The following TMEM220 variants were observed in gnomAD, a reference collection of about 807,000 sequenced individuals.
TMEM220 encodes transmembrane protein 220.
A neutral mutation model predicts 21.7 loss-of-function variants in TMEM220; 21 were observed. The observed-to-expected ratio is 0.97, with a 90% CI of 0.69 to 1.39. TMEM220 has a LOEUF of 1.39. Ranked by LOEUF, TMEM220 falls within the 40% of genes most tolerant of loss-of-function variation. TMEM220 has a pLI of 0.00. For synonymous variants in TMEM220, 80 were observed against 73.6 expected, an observed-to-expected ratio of 1.09 and a Z score of -0.45; for missense variants, 191 against 201.9, an observed-to-expected ratio of 0.95 and a Z score of 0.33.
rs1200503587 is a variant in TMEM220, at chr17:10,713,788, A to T, written c.*1665T>A. ...CCATTCAGTGGCCACTGTGCCAATAACAAAAACAAAATACACATACCTCCT... is the reference window on the plus strand; with the variant it reads ...CCATTCAGTGGCCACTGTGCCAATATCAAAAACAAAATACACATACCTCCT... On this transcript the variant is annotated 3_prime_UTR_variant, in exon 6 of 6. Transcript: ENST00000341871. 1.3e-5 allele frequency: 2 copies of T among 152,234 alleles called. No individual in the cohort carries two copies. Among genetic ancestry groups the T allele is most frequent in the African/African-American group, 4.8e-5 (2 of 41,462 alleles). 9.4% of individuals were successfully genotyped at this position (152,234 alleles called of 1,614,324 possible).
chr17:10,728,857 A>G (rs453318), intron 2 of TMEM220, among the ~76,000 whole-genome samples, 174 bp downstream of exon 2: 69,345 of 152,016 alleles, frequency 0.46, 16,058 homozygotes, highest in African/African-American at 0.51. Context: ...ACATTACATT[A>G]GAACTCTGAT....
At chr17:10,729,484 C>T (rs445846) in intron 1 of TMEM220, among the ~76,000 whole-genome samples, 75,295 of 152,068 alleles carry the variant, frequency 0.5, 19,396 homozygotes, top group African/African-American at 0.64. Flanking sequence ...GTCCGCGGGC[C>T]GGACGTTAAC....
At chr17:10,726,759 G>A (rs2075054251) in intron 2 of TMEM220, among the ~76,000 whole-genome samples, 1 of 152,178 alleles carries the variant, frequency 6.6e-6, no homozygotes, top group Admixed American at 6.5e-5. Context: ...AATCAGCTGT[G>A]CCCAGTAATA....
intron 5 of TMEM220, among the ~76,000 whole-genome samples, chr17:10,722,804 A>G (rs775308174): frequency 1.3e-5 from 2 of 152,146 alleles, no homozygotes; most frequent in African/African-American, 2.4e-5. Context: ...GCCCATGACT[A>G]TACTGGGCCT....
chr17:10,729,663 C>T, intron 1 of TMEM220, 117 bp downstream of exon 1: 2 of 868,828 alleles, frequency 2.3e-6, no homozygotes, highest in Non-Finnish European at 3.1e-6. Context: ...CAAGTCCCGT[C>T]CTCCCCACTA....
chr17:10,728,691 G>A (rs1015899191), intron 2 of TMEM220, among the ~76,000 whole-genome samples: 5 of 152,104 alleles, frequency 3.3e-5, no homozygotes, highest in African/African-American at 1.2e-4. Flanking sequence ...CCGGTCAAAG[G>A]TTTGCATTGA....
chr17:10,729,209 A>T, intron 1 of TMEM220, 149 bp from the exon 2 acceptor site: 2 of 816,934 alleles, frequency 2.4e-6, no homozygotes, highest in Middle Eastern at 2.7e-4. Context: ...GATATAGTCC[A>T]GATGAGGACG....
At position 10,726,262 on chromosome 17, in the gene TMEM220, C is replaced by T. The variant is rs80037051; in HGVS notation, c.105G>A (p.Val35=). 3.1e-4 allele frequency: 506 copies of T among 1,613,556 alleles called. 7 individuals carry two copies. The East Asian group carries it at 0.011, about 35-fold the overall frequency. Residue 35 remains valine, a splice_region_variant and synonymous_variant, in exon 3 of 6, where the codon GTG becomes GTA. Transcript: ENST00000341871. ...TCAGTACTGCAGGGATTGTGTACAC[C>T]ACCTGTTAGCAAAAAGGGAGGAAAT... ...VNDPDAEVWV[V]VYTIPAVLTL... is the part of the protein sequence containing the mutation.
At chr17:10,716,409 G>C in intron 5 of TMEM220, 4 of 647,762 alleles carry the variant, frequency 6.2e-6, no homozygotes, top group Non-Finnish European at 8.9e-6. Flanking sequence ...TGCTGTGTTG[G>C]CTTATCTTAA....
Position 10,713,454 on chromosome 17 carries a change from A to G in TMEM220, c.*1999T>C, listed in dbSNP as rs986206118. 6.6e-6 allele frequency: 1 copy of G among 152,188 alleles called. No individual in the cohort carries two copies. The highest frequency in any genetic ancestry group is 2.4e-5 in the African/African-American group (1 of 41,452). 9.4% of individuals were successfully genotyped at this position (152,188 alleles called of 1,614,324 possible). A position where few individuals can be genotyped will look rare whatever the true frequency, so the allele number is the denominator to read the frequency against. On this transcript the variant is annotated 3_prime_UTR_variant, in exon 6 of 6. Transcript: ENST00000341871. ...TCGTAGTCTGATATGGGAGAGGCAT[A>G]CATGATGAAAGCACATCTTGAACAT... is the stretch of plus-strand genomic sequence containing the variant.
In TMEM220 at chr17:10,715,556, A is replaced by G. The variant is rs2074905432; in HGVS notation, c.380T>C (p.Ile127Thr). 6.3e-7 allele frequency: 1 copy of G among 1,597,954 alleles called. No homozygotes were observed. Among genetic ancestry groups the G allele is most frequent in the Non-Finnish European group, 8.5e-7 (1 of 1,176,406 alleles). ...NPVGGRIQLA[I>T]AIVITLFPFI... ...TGGGAAAAGTGTGATTACAATGGCA[A>G]TAGCCAATTGAATTCTTCCACCAAC... The change falls in exon 6 of 6, where the codon ATT becomes ACT. Residue 127 changes from isoleucine to threonine, a missense_variant. Transcript: ENST00000341871.
At chr17:10,728,029 G>A (rs956515084) in intron 2 of TMEM220, among the ~76,000 whole-genome samples, 2 of 151,952 alleles carry the variant, frequency 1.3e-5, no homozygotes, top group East Asian at 1.9e-4. Flanking sequence ...GTGTGGTGGC[G>A]CATGCCTGTA....
intron 5 of TMEM220, among the ~76,000 whole-genome samples, chr17:10,719,878 C>A (rs2074967174): frequency 6.6e-6 from 1 of 152,116 alleles, no homozygotes. Context: ...GACCAGCAAC[C>A]TTAGAATCAG....
intron 2 of TMEM220, among the ~76,000 whole-genome samples, chr17:10,728,800 G>T (rs928737404): frequency 1.4e-4 from 22 of 152,112 alleles, no homozygotes; most frequent in African/African-American, 5.3e-4. Flanking sequence ...TAACCAAAGG[G>T]AATACTGCAG....
rs140118197 is a variant in TMEM220, at chr17:10,715,566, G to A, written c.370C>T (p.Gln124Ter). Reference protein sequence around the residue: ...SSKNPVGGRIQLAIAIVITLF... With the variant: ...SSKNPVGGRI ...GTGATTACAATGGCAATAGCCAATT[G>A]AATTCTTCCACCAACTGGATTCCTA... The change falls in exon 6 of 6, where the codon CAA becomes TAA. Residue 124 changes from glutamine (Q) to a stop codon, truncating the protein, a stop_gained. Coordinates refer to ENST00000341871, the MANE Select transcript of TMEM220 (RefSeq NM_001004313.3). LOFTEE classifies it high-confidence loss of function. The A allele has an allele frequency of 1.9e-5, 30 of 1,591,834 alleles. No homozygotes were observed. The African/African-American group carries it at 3.8e-4, about 20-fold the overall frequency.
At chr17:10,727,149 A>G (rs1009556065) in intron 2 of TMEM220, among the ~76,000 whole-genome samples, 2 of 151,822 alleles carry the variant, frequency 1.3e-5, no homozygotes, top group African/African-American at 4.8e-5. Flanking sequence ...GGTACTATAG[A>G]GATAAGCAAT....
intron 2 of TMEM220, among the ~76,000 whole-genome samples, chr17:10,728,736 C>T (rs373463539): frequency 6.6e-6 from 1 of 152,192 alleles, no homozygotes; most frequent in East Asian, 1.9e-4. Context: ...AATTGTTCAA[C>T]TGATCTTGAG....
intron 3 of TMEM220, 51 bp downstream of exon 3, chr17:10,726,153 T>G: frequency 6.8e-7 from 1 of 1,464,330 alleles, no homozygotes; most frequent in Non-Finnish European, 9.6e-7. Context: ...CCCTCATTAT[T>G]ATGAGGAAAT....
chr17:10,720,391 G>A (rs563595206), intron 5 of TMEM220, among the ~76,000 whole-genome samples: 1 of 152,302 alleles, frequency 6.6e-6, no homozygotes, highest in African/African-American at 2.4e-5. Context: ...ATGATCTCCA[G>A]GATGTAGTAA....
Sources: allele counts gnomAD v4.1 joint callset (sites outside exome capture counted in the v4.1 genomes callset), GRCh38; gene constraint gnomAD v4.1.1; transcripts MANE v1.5; gene names NCBI Gene and HGNC (gene_info 2026-07-23, HGNC 2026-07-21).